The following RPS27L variants were observed in gnomAD, a reference collection of about 807,000 sequenced individuals.
RPS27L encodes the protein ribosomal protein eS27-like.
A neutral mutation model predicts 12.8 loss-of-function variants in RPS27L; 10 were observed. That is an observed-to-expected ratio of 0.78 (90% confidence interval 0.48 to 1.33). RPS27L has a LOEUF of 1.33. Among genes scored for constraint, RPS27L ranks in the 40% most tolerant of loss-of-function variants. The pLI is 0.00. For synonymous variants in RPS27L, 26 were observed against 32.3 expected (o/e 0.81, Z 0.66); for missense variants, 81 against 97.4 (o/e 0.83, Z 0.71).
intron 1 of RPS27L, 69 bp from the exon 2 acceptor site, chr15:63,156,590 A>G: frequency 1.1e-6 from 1 of 927,108 alleles, no homozygotes; most frequent in Admixed American, 2.1e-5. Flanking sequence ...CCATACGTGA[A>G]ATATACATGC....
Position 63,153,832 on chromosome 15 carries a change from T to A in RPS27L, c.*200A>T, listed in dbSNP as rs2037315684. The A allele has an allele frequency of 1.8e-6, 1 of 569,534 alleles. No homozygotes were observed. Among genetic ancestry groups the A allele is most frequent in the Non-Finnish European group, 3.1e-6 (1 of 319,418 alleles). 35.3% of individuals were successfully genotyped at this position (569,534 alleles called of 1,614,324 possible). A position where few individuals can be genotyped will look rare whatever the true frequency, so the allele number is the denominator to read the frequency against. Reference sequence around the variant, plus strand: ...ATGTATGGCATACTCAAATATATTTTAAAAAAAGAAAAAGAGGGGATTTGC... The same window carrying A: ...ATGTATGGCATACTCAAATATATTTAAAAAAAAGAAAAAGAGGGGATTTGC... On this transcript the variant is annotated 3_prime_UTR_variant, in exon 4 of 4. Transcript: ENST00000330964.
intron 2 of RPS27L, 125 bp downstream of exon 2, chr15:63,156,288 A>G: frequency 1.7e-6 from 1 of 582,262 alleles, no homozygotes; most frequent in Non-Finnish European, 3.0e-6. Flanking sequence ...TGTCCCTGAC[A>G]TTTCCAATTC....
rs2037277745 is a variant in RPS27L at position 63,148,349 on chromosome 15, G to A, written c.*5683C>T. ...AAATATGTTGGTATTTTAATTAGTT[G>A]GCTACAAATAAAGAAAAAACACAAC... is the stretch of plus-strand genomic sequence containing the variant. On this transcript the variant is annotated 3_prime_UTR_variant, in exon 4 of 4. Coordinates refer to ENST00000330964, the MANE Select transcript of RPS27L (RefSeq NM_015920.4). The A allele has an allele frequency of 1.3e-5, 2 of 151,468 alleles. No individual in the cohort carries two copies. The highest frequency in any genetic ancestry group is 4.9e-5 in the African/African-American group (2 of 41,212). 9.4% of individuals were successfully genotyped at this position (151,468 alleles called of 1,614,324 possible).
chr15:63,155,387 A>G (rs1305527515), intron 3 of RPS27L: 19 of 399,878 alleles, frequency 4.8e-5, no homozygotes, highest in Non-Finnish European at 7.0e-5. Context: ...TTCCAAGTTA[A>G]GCAAACTAAG....
At position 63,156,434 on chromosome 15, in the gene RPS27L, A is replaced by G; in HGVS notation, c.94T>C (p.Phe32Leu). Residue 32 changes from phenylalanine to leucine, a missense_variant, in exon 2 of 4, where the codon TTT (phenylalanine) becomes CTT (leucine). Phe to Leu is a conservative substitution (Grantham distance 22). Transcript: ENST00000330964. ...KRLVQSPNSYFMDVKCPGCYK... is the reference protein window; with the variant it reads ...KRLVQSPNSYLMDVKCPGCYK... ...TTACCTGGACATTTTACATCCATAAAGTAAGAATTTGGACTTTGTACTAGG... is the reference window on the plus strand; with the variant it reads ...TTACCTGGACATTTTACATCCATAAGGTAAGAATTTGGACTTTGTACTAGG... 6.3e-7 allele frequency: 1 copy of G among 1,575,758 alleles called. No individual in the cohort carries two copies. The highest frequency in any genetic ancestry group is 8.6e-7 in the Non-Finnish European group (1 of 1,161,710).
chr15:63,156,595 A>C, intron 1 of RPS27L, 74 bp from the exon 2 acceptor site: 1 of 881,018 alleles, frequency 1.1e-6, no homozygotes, highest in Non-Finnish European at 1.9e-6. Context: ...CGTGAAATAT[A>C]CATGCAAAAA....
At position 63,157,412 on chromosome 15, in the gene RPS27L, C is replaced by G; in HGVS notation, c.-7G>C. On this transcript the variant is annotated 5_prime_UTR_variant, in exon 1 of 4. Transcript: ENST00000330964. ...GTAAACAACTCACAGGCATGTTGATCCTCTTGCAAGCTCAGCCCTACCAGA... is the reference window on the plus strand; with the variant it reads ...GTAAACAACTCACAGGCATGTTGATGCTCTTGCAAGCTCAGCCCTACCAGA... The G allele has an allele frequency of 1.2e-6, 2 of 1,614,128 alleles. No individual in the cohort carries two copies. Among genetic ancestry groups the G allele is most frequent in the East Asian group, 2.2e-5 (1 of 44,876 alleles).
intron 2 of RPS27L, 26 bp downstream of exon 2, chr15:63,156,387 A>G (rs1277327484): frequency 7.6e-7 from 1 of 1,309,776 alleles, no homozygotes; most frequent in Non-Finnish European, 1.1e-6. Flanking sequence ...TTTCTTTAGT[A>G]AAGGAATTAA....
At chr15:63,156,891 AC>A in intron 1 of RPS27L, 1 of 428,750 alleles carries the variant, frequency 2.3e-6, no homozygotes, top group South Asian at 3.2e-5. Flanking sequence ...GCTGAAGTAG[AC>A]CAGACAACGT....
In RPS27L at chr15:63,150,110, GTATC is replaced by G. The variant is rs1485399385; in HGVS notation, c.*3918_*3921del. 1 of 152,022 alleles carries G rather than the reference GTATC, an allele frequency of 6.6e-6. No homozygotes were observed. The highest frequency in any genetic ancestry group is 2.4e-5 in the African/African-American group (1 of 41,384). The allele number at this position is 152,022 out of a possible 1,614,324, so 9.4% of individuals were successfully genotyped here. ...TAAATAAAAAGTGAAAACACTCTAA[GTATC>G]TATCAACTGATGAATGGATAAACAT... On this transcript the variant is annotated 3_prime_UTR_variant, in exon 4 of 4. Coordinates refer to ENST00000330964, the MANE Select transcript of RPS27L (RefSeq NM_015920.4).
Position 63,153,034 on chromosome 15 carries a change from G to A in RPS27L, c.*998C>T, listed in dbSNP as rs532674661. ...TGTATAGTGAGTGGATACACTCCCC[G>A]TCTCAGCTCCCCAGGATTACTTCAT... On this transcript the variant is annotated 3_prime_UTR_variant, in exon 4 of 4. Transcript: ENST00000330964. 2.8e-4 allele frequency: 43 copies of A among 152,300 alleles called. No individual in the cohort carries two copies. The highest frequency in any genetic ancestry group is 7.7e-4 in the African/African-American group (32 of 41,556). 9.4% of individuals were successfully genotyped at this position (152,300 alleles called of 1,614,324 possible).
Position 63,153,212 on chromosome 15 carries a change from C to T in RPS27L, c.*820G>A, listed in dbSNP as rs2037311825. On this transcript the variant is annotated 3_prime_UTR_variant, in exon 4 of 4. Transcript: ENST00000330964. ...TAAATCATGCCACTTCAGATTTCTCCTCAAATTTTCTACCCTAAAAAGGAG... is the reference window on the plus strand; with the variant it reads ...TAAATCATGCCACTTCAGATTTCTCTTCAAATTTTCTACCCTAAAAAGGAG... 6.6e-6 allele frequency: 1 copy of T among 152,146 alleles called. No homozygotes were observed. Among genetic ancestry groups the T allele is most frequent in the Non-Finnish European group, 1.5e-5 (1 of 68,032 alleles). The allele number at this position is 152,146 out of a possible 1,614,324, so 9.4% of individuals were successfully genotyped here. A position where few individuals can be genotyped will look rare whatever the true frequency, so the allele number is the denominator to read the frequency against.
At chr15:63,157,043 C>G (rs2037336949) in intron 1 of RPS27L, 1 of 378,216 alleles carries the variant, frequency 2.6e-6, no homozygotes, top group Non-Finnish European at 4.8e-6. Flanking sequence ...TAGGAAATCG[C>G]TTCCGAAAGA....
At position 63,149,946 on chromosome 15, in the gene RPS27L, T is replaced by A. The variant is rs1279213888; in HGVS notation, c.*4086A>T. On this transcript the variant is annotated 3_prime_UTR_variant, in exon 4 of 4. Transcript: ENST00000330964. Reference sequence around the variant, plus strand: ...AAAATTAGCGGGGTGTGGTGGCACGTGCCTGTAGTTCCAGCTACTCGGGAG... The same window carrying A: ...AAAATTAGCGGGGTGTGGTGGCACGAGCCTGTAGTTCCAGCTACTCGGGAG... 1 of 152,072 alleles carries A rather than the reference T, an allele frequency of 6.6e-6. No individual in the cohort carries two copies. Among genetic ancestry groups the A allele is most frequent in the Non-Finnish European group, 1.5e-5 (1 of 68,156 alleles). 9.4% of individuals were successfully genotyped at this position (152,072 alleles called of 1,614,324 possible).
At chr15:63,154,082 A>ATATT (rs760634115) in intron 3 of RPS27L, 22 bp from the exon 4 acceptor site, 3 of 1,592,832 alleles carry the variant, frequency 1.9e-6, no homozygotes, top group Non-Finnish European at 2.6e-6. Flanking sequence ...TCATGAGAGT[A>ATATT]TATTAAACAA....
chr15:63,152,962 T>C lies in RPS27L; in HGVS notation c.*1070A>G, dbSNP rs1001621754. ...ACCTGCCACAAGGTAACAAATCAAA[T>C]AGAAGCAGAGTAGAAACTGGACTAT... On this transcript the variant is annotated 3_prime_UTR_variant, in exon 4 of 4. Coordinates refer to ENST00000330964, the MANE Select transcript of RPS27L (RefSeq NM_015920.4). 5 of 152,164 alleles carry C rather than the reference T, an allele frequency of 3.3e-5. No individual in the cohort carries two copies. The highest frequency in any genetic ancestry group is 6.6e-5 in the Admixed American group (1 of 15,264). 9.4% of individuals were successfully genotyped at this position (152,164 alleles called of 1,614,324 possible). A position where few individuals can be genotyped will look rare whatever the true frequency, so the allele number is the denominator to read the frequency against.
chr15:63,157,441 C>A lies in RPS27L; in HGVS notation c.-36G>T. On this transcript the variant is annotated 5_prime_UTR_variant, in exon 1 of 4. Coordinates refer to ENST00000330964, the MANE Select transcript of RPS27L (RefSeq NM_015920.4). The stretch of plus-strand genomic sequence containing the variant: ...TTGCAAGCTCAGCCCTACCAGACCT[C>A]CCAGCCCACACAGCTAGCAAGCTGC... 6.2e-7 allele frequency: 1 copy of A among 1,613,556 alleles called. No individual in the cohort carries two copies. The highest frequency in any genetic ancestry group is 8.5e-7 in the Non-Finnish European group (1 of 1,179,464).
rs2037307459 is a variant in RPS27L at position 63,152,576 on chromosome 15, C to T, written c.*1456G>A. The T allele has an allele frequency of 6.6e-6, 1 of 152,004 alleles. No individual in the cohort carries two copies. Among genetic ancestry groups the T allele is most frequent in the African/African-American group, 2.4e-5 (1 of 41,444 alleles). The allele number at this position is 152,004 out of a possible 1,614,324, so 9.4% of individuals were successfully genotyped here. A position where few individuals can be genotyped will look rare whatever the true frequency, so the allele number is the denominator to read the frequency against. ...TGGCACGATCTTGGCTCACCACAAC[C>T]TCCACCTCCCAGGTTCAAGCGAATT... On this transcript the variant is annotated 3_prime_UTR_variant, in exon 4 of 4. Coordinates refer to ENST00000330964, the MANE Select transcript of RPS27L (RefSeq NM_015920.4).
intron 1 of RPS27L, 59 bp downstream of exon 1, chr15:63,157,341 C>G: frequency 2.5e-6 from 4 of 1,595,930 alleles, no homozygotes; most frequent in Non-Finnish European, 3.4e-6. Context: ...TCATCCGTCC[C>G]ATATGACTCT....
Sources: allele counts gnomAD v4.1 joint callset, GRCh38; gene constraint gnomAD v4.1.1; transcripts MANE v1.5; gene names NCBI Gene and HGNC (gene_info 2026-07-23, HGNC 2026-07-21).